The following SND1 variants were observed in gnomAD, a reference collection of about 807,000 sequenced individuals.
SND1 encodes the protein staphylococcal nuclease domain-containing protein 1.
SND1 carries 38 observed loss-of-function variants against 121.7 expected under a neutral mutation model. That is an observed-to-expected ratio of 0.31 (90% confidence interval 0.24 to 0.41). The LOEUF (loss-of-function observed/expected upper bound fraction) is 0.41, where lower values mean the gene tolerates loss of function less well. Among genes scored for constraint, SND1 ranks in the 10% least tolerant of loss-of-function variants. The pLI, the probability that SND1 is intolerant of heterozygous loss-of-function variation, is 1.00. For missense variants in SND1, 868 were observed against 1,184.6 expected (o/e 0.73, Z 3.92); for synonymous variants, 401 against 447.4 (o/e 0.90, Z 1.31).
chr7:127,715,305 C>G (rs1410398178), intron 9 of SND1, among the ~76,000 whole-genome samples: 1 of 152,026 alleles, frequency 6.6e-6, no homozygotes, highest in African/African-American at 2.4e-5. Flanking sequence ...AATGTCTATT[C>G]AAGTCCTTTG....
At chr7:127,689,028 A>G (rs1462361983) in intron 2 of SND1, among the ~76,000 whole-genome samples, 1 of 152,262 alleles carries the variant, frequency 6.6e-6, no homozygotes, top group African/African-American at 2.4e-5. Flanking sequence ...CAGACTAAAT[A>G]GATTAAAATA....
intron 15 of SND1, among the ~76,000 whole-genome samples, chr7:127,956,224 G>T (rs1801588689): frequency 6.6e-6 from 1 of 152,142 alleles, no homozygotes; most frequent in Non-Finnish European, 1.5e-5. Context: ...AACAGAGATT[G>T]TCATCTAGTG....
chr7:127,795,378 G>A (rs1797997073), intron 10 of SND1, among the ~76,000 whole-genome samples: 1 of 152,040 alleles, frequency 6.6e-6, no homozygotes, highest in Non-Finnish European at 1.5e-5. Context: ...GTTTACTTAG[G>A]GTTAATCTCA....
rs751949449 is a variant in SND1 at position 127,832,900 on chromosome 7, C to T, written c.1243-11424C>T. Reference sequence around the variant, plus strand: ...CAAAGCCTAGTGTGAACTACACGTGCGAGGGATCTAGGTCTCATGCTCTTT... The same window carrying T: ...CAAAGCCTAGTGTGAACTACACGTGTGAGGGATCTAGGTCTCATGCTCTTT... On this transcript the variant is annotated intron_variant, in intron 11 of 23. Coordinates refer to ENST00000354725, the MANE Select transcript of SND1 (RefSeq NM_014390.4). Among the ~76,000 whole-genome samples the T allele has an allele frequency of 5.9e-5, 9 of 152,140 alleles. No individual in the cohort carries two copies. The South Asian group carries it at 6.2e-4, about 11-fold the overall frequency.
intron 10 of SND1, among the ~76,000 whole-genome samples, chr7:127,786,612 G>T (rs1354903167): frequency 1.3e-5 from 2 of 151,932 alleles, no homozygotes; most frequent in African/African-American, 4.8e-5. Context: ...GCTGCATAGT[G>T]TTTTTTTGTT....
chr7:128,067,870 C>T (rs1329116783), intron 16 of SND1, among the ~76,000 whole-genome samples: 1 of 150,638 alleles, frequency 6.6e-6, no homozygotes, highest in African/African-American at 2.5e-5. Flanking sequence ...CCTTTGGGTG[C>T]CCTGAGTCAT....
intron 15 of SND1, among the ~76,000 whole-genome samples, chr7:127,937,827 G>T (rs1325030546): frequency 6.6e-6 from 1 of 152,200 alleles, no homozygotes; most frequent in Non-Finnish European, 1.5e-5. Flanking sequence ...TTGATTACCA[G>T]TGCCTAACTA....
At chr7:127,928,449 C>T (rs376276890) in intron 14 of SND1, among the ~76,000 whole-genome samples, 14 of 150,628 alleles carry the variant, frequency 9.3e-5, no homozygotes, top group African/African-American at 3.2e-4. Context: ...TAAAGATAAA[C>T]TACTTTTGGC....
chr7:128,086,763 C>A (rs1421809928), intron 20 of SND1, 175 bp from the exon 21 acceptor site: 2 of 654,228 alleles, frequency 3.1e-6, no homozygotes, highest in African/African-American at 1.8e-5. Context: ...GGCACGTTCT[C>A]TCCAGGCTTC....
chr7:128,088,576 C>A (rs1372293506), intron 21 of SND1, among the ~76,000 whole-genome samples: 2 of 151,018 alleles, frequency 1.3e-5, no homozygotes, highest in Non-Finnish European at 2.9e-5. Flanking sequence ...CCTCAGCCTT[C>A]CGAGTAGCTG....
At chr7:128,019,578 C>T (rs529296287) in intron 16 of SND1, among the ~76,000 whole-genome samples, 1 of 152,322 alleles carries the variant, frequency 6.6e-6, no homozygotes, top group Non-Finnish European at 1.5e-5. Flanking sequence ...CATTCCTCAC[C>T]TCCCATTGCT....
chr7:128,055,559 C>A (rs976145116), intron 16 of SND1, among the ~76,000 whole-genome samples: 1 of 152,124 alleles, frequency 6.6e-6, no homozygotes, highest in Non-Finnish European at 1.5e-5. Context: ...TGGGGCTGGG[C>A]TCATGCTGAG....
intron 1 of SND1, among the ~76,000 whole-genome samples, chr7:127,673,726 T>C (rs1311766353): frequency 6.6e-6 from 1 of 152,262 alleles, no homozygotes; most frequent in Non-Finnish European, 1.5e-5. Context: ...TCTTCCACAT[T>C]TTTTATTCAT....
chr7:127,819,904 C>A (rs1036528061), intron 11 of SND1, among the ~76,000 whole-genome samples: 3 of 152,156 alleles, frequency 2.0e-5, no homozygotes, highest in African/African-American at 7.2e-5. Context: ...CTGGGTGATT[C>A]TTTGAACTTA....
At chr7:127,685,017 T>C (rs766610749) in intron 1 of SND1, among the ~76,000 whole-genome samples, 1 of 152,270 alleles carries the variant, frequency 6.6e-6, no homozygotes, top group African/African-American at 2.4e-5. Context: ...AAATCCTTGG[T>C]CAGGGTAATG....
chr7:127,896,613 T>C (rs1427219193), intron 13 of SND1, among the ~76,000 whole-genome samples: 2 of 152,152 alleles, frequency 1.3e-5, no homozygotes, highest in Non-Finnish European at 2.9e-5. Context: ...CATGGAAGAT[T>C]GATCATTTAA....
At chr7:127,694,018 T>C (rs1347414982) in intron 2 of SND1, among the ~76,000 whole-genome samples, 1 of 152,148 alleles carries the variant, frequency 6.6e-6, no homozygotes, top group Non-Finnish European at 1.5e-5. Context: ...TGTAGCTCAG[T>C]CCTCGTGTCT....
At chr7:127,837,072 G>T (rs1235586012) in intron 11 of SND1, among the ~76,000 whole-genome samples, 2 of 152,050 alleles carry the variant, frequency 1.3e-5, no homozygotes, top group Non-Finnish European at 2.9e-5. Context: ...TTTTATTTTT[G>T]ATACCAGGGT....
At chr7:127,829,769 C>T (rs1051277835) in intron 11 of SND1, among the ~76,000 whole-genome samples, 4 of 152,052 alleles carry the variant, frequency 2.6e-5, no homozygotes, top group African/African-American at 9.7e-5. Flanking sequence ...GAAAACTTGT[C>T]CCAAGTAAAA....
Sources: allele counts gnomAD v4.1 joint callset (sites outside exome capture counted in the v4.1 genomes callset), GRCh38; gene constraint gnomAD v4.1.1; transcripts MANE v1.5; gene names NCBI Gene and HGNC (gene_info 2026-07-23, HGNC 2026-07-21).